Variants in SLC24A3 observed in about 807,000 individuals in gnomAD.
SLC24A3 encodes sodium/potassium/calcium exchanger 3.
SLC24A3 carries 28 observed loss-of-function variants against 75.8 expected under a neutral mutation model. That is an observed-to-expected ratio of 0.37 (90% CI 0.27 to 0.51). SLC24A3 has a LOEUF of 0.51. Ranked by LOEUF, SLC24A3 falls within the 20% of genes least tolerant of loss-of-function variation. The pLI, the probability that SLC24A3 is intolerant of heterozygous loss-of-function variation, is 0.94. For synonymous variants in SLC24A3, 372 were observed against 334.1 expected, an observed-to-expected ratio of 1.11 and a Z score of -1.24; for missense variants, 663 against 847.8, an observed-to-expected ratio of 0.78 and a Z score of 2.71.
intron 6 of SLC24A3, among the ~76,000 whole-genome samples, chr20:19,610,551 G>A (rs891081417): frequency 8.5e-5 from 13 of 152,208 alleles, no homozygotes; most frequent in Non-Finnish European, 1.6e-4. Flanking sequence ...CCCAGAAGTA[G>A]GACCTCAGAC....
At chr20:19,538,568 G>T (rs2073076356) in intron 3 of SLC24A3, among the ~76,000 whole-genome samples, 1 of 152,142 alleles carries the variant, frequency 6.6e-6, no homozygotes, top group African/African-American at 2.4e-5. Context: ...AAATCACAAT[G>T]TAGTACCACT....
At chr20:19,668,606 C>A (rs994996938) in intron 8 of SLC24A3, among the ~76,000 whole-genome samples, 12 of 152,188 alleles carry the variant, frequency 7.9e-5, no homozygotes, top group Non-Finnish European at 1.3e-4. Context: ...TGAGCTTTGT[C>A]AAATACAAAT....
intron 2 of SLC24A3, among the ~76,000 whole-genome samples, chr20:19,295,675 G>A (rs985719900): frequency 6.6e-6 from 1 of 152,154 alleles, no homozygotes; most frequent in Non-Finnish European, 1.5e-5. Flanking sequence ...TGCATATGTT[G>A]AACCAGCCTT....
intron 7 of SLC24A3, among the ~76,000 whole-genome samples, chr20:19,659,297 A>AT (rs2032300176): frequency 6.6e-6 from 1 of 152,226 alleles, no homozygotes; most frequent in Non-Finnish European, 1.5e-5. Flanking sequence ...TCCCTGGGAC[A>AT]TTCATTGTCA....
intron 2 of SLC24A3, among the ~76,000 whole-genome samples, chr20:19,369,241 A>G (rs763002192): frequency 2.0e-5 from 3 of 152,210 alleles, no homozygotes; most frequent in Non-Finnish European, 1.5e-5. Context: ...GTCACCAGTG[A>G]AGGCACCTGC....
chr20:19,597,680 A>G (rs1194528365), intron 6 of SLC24A3, among the ~76,000 whole-genome samples: 2 of 152,076 alleles, frequency 1.3e-5, no homozygotes, highest in Non-Finnish European at 2.9e-5. Flanking sequence ...TTTTTACCTA[A>G]TTGTATGTTT....
intron 2 of SLC24A3, among the ~76,000 whole-genome samples, chr20:19,460,190 C>T (rs984327246): frequency 6.6e-6 from 1 of 152,104 alleles, no homozygotes; most frequent in South Asian, 2.1e-4. Context: ...TAAGCGTGGG[C>T]GACTTCTTAA....
At chr20:19,310,704 A>G (rs939855214) in intron 2 of SLC24A3, among the ~76,000 whole-genome samples, 4 of 152,234 alleles carry the variant, frequency 2.6e-5, no homozygotes, top group African/African-American at 9.6e-5. Context: ...CAGCAAGCAT[A>G]TAAACAGAGC....
intron 2 of SLC24A3, among the ~76,000 whole-genome samples, chr20:19,437,796 C>T (rs1987231873): frequency 6.6e-6 from 1 of 152,168 alleles, no homozygotes; most frequent in South Asian, 2.1e-4. Context: ...CAAGTGCGTT[C>T]TGATCCTGTC....
In SLC24A3 at chr20:19,390,735, A is replaced by C. The variant is rs189673588; in HGVS notation, c.271+109648A>C. ...ATAATTGCTGAATTTCCAACATGGG[A>C]ATTTCCAGCATAGGCCTGGCAGGGA... On this transcript the variant is annotated intron_variant, in intron 2 of 16. Coordinates refer to ENST00000328041, the MANE Select transcript of SLC24A3 (RefSeq NM_020689.4). 1.2e-4 allele frequency among the ~76,000 whole-genome samples: 18 copies of C among 152,172 alleles called. No homozygotes were observed. In the East Asian group the frequency reaches 3.3e-3, roughly 28 times the overall value.
At chr20:19,553,174 C>T (rs1231177136) in intron 3 of SLC24A3, among the ~76,000 whole-genome samples, 1 of 151,230 alleles carries the variant, frequency 6.6e-6, no homozygotes, top group African/African-American at 2.4e-5. Flanking sequence ...GGGCAGCCTC[C>T]GCACCTTTGT....
At chr20:19,246,307 A>G (rs540487382) in intron 1 of SLC24A3, among the ~76,000 whole-genome samples, 1 of 152,174 alleles carries the variant, frequency 6.6e-6, no homozygotes, top group South Asian at 2.1e-4. Flanking sequence ...GAAGGAAATA[A>G]TATATATGAG....
intron 2 of SLC24A3, among the ~76,000 whole-genome samples, chr20:19,442,967 GCCTTTGATA>G (rs1402694002): frequency 6.6e-6 from 1 of 152,084 alleles, no homozygotes; most frequent in Admixed American, 6.5e-5. Flanking sequence ...CTATTGCATT[GCCTTTGATA>G]CCTTGTCAGA....
intron 3 of SLC24A3, among the ~76,000 whole-genome samples, chr20:19,535,656 G>C (rs1189014152): frequency 1.3e-5 from 2 of 152,162 alleles, no homozygotes; most frequent in South Asian, 4.1e-4. Context: ...GAGTCTTAGG[G>C]GAGGTGATTT....
At chr20:19,488,839 C>T (rs933735556) in intron 2 of SLC24A3, among the ~76,000 whole-genome samples, 3 of 152,138 alleles carry the variant, frequency 2.0e-5, no homozygotes, top group African/African-American at 7.2e-5. Context: ...TAATTTTGCA[C>T]ATGAAACAAA....
At chr20:19,464,478 G>A (rs923829001) in intron 2 of SLC24A3, among the ~76,000 whole-genome samples, 32 of 152,258 alleles carry the variant, frequency 2.1e-4, no homozygotes, top group Admixed American at 2.0e-3. Context: ...AGCCAGGACC[G>A]AAGAGAGAGC....
At chr20:19,315,127 G>T (rs969822824) in intron 2 of SLC24A3, among the ~76,000 whole-genome samples, 1 of 152,158 alleles carries the variant, frequency 6.6e-6, no homozygotes, top group Non-Finnish European at 1.5e-5. Flanking sequence ...AGGGTCCTTG[G>T]CATTACTGTG....
intron 15 of SLC24A3, among the ~76,000 whole-genome samples, chr20:19,707,135 A>C (rs551067713): frequency 6.6e-6 from 1 of 152,306 alleles, no homozygotes; most frequent in South Asian, 2.1e-4. Context: ...AGCTTCGGAA[A>C]CACATTATGG....
chr20:19,393,613 A>G (rs1986401584), intron 2 of SLC24A3, among the ~76,000 whole-genome samples: 1 of 152,184 alleles, frequency 6.6e-6, no homozygotes, highest in South Asian at 2.1e-4. Context: ...TAACATTATC[A>G]AAAAGAATAA....
Sources: gnomAD v4.1 joint callset for allele counts (sites outside exome capture counted in the v4.1 genomes callset) on GRCh38, gnomAD v4.1.1 for gene constraint, MANE v1.5 for transcripts, NCBI Gene and HGNC (gene_info 2026-07-23, HGNC 2026-07-21) for gene names.